OPRM1: variants seen among roughly 807,000 people sequenced by gnomAD.
OPRM1 encodes mu-type opioid receptor.
A neutral mutation model predicts 31.8 loss-of-function variants in OPRM1; 27 were observed. That is an observed-to-expected ratio of 0.85 (90% CI 0.63 to 1.17). OPRM1 has a LOEUF of 1.17. Ranked by LOEUF, OPRM1 falls within the 50% of genes most tolerant of loss-of-function variation. The probability of loss-of-function intolerance (pLI) is 0.00; values close to 1 mark genes in which losing one functional copy is unlikely to be tolerated. For synonymous variants in OPRM1, 196 were observed against 189.9 expected, an observed-to-expected ratio of 1.03 and a Z score of -0.26; for missense variants, 536 against 511.1, an observed-to-expected ratio of 1.05 and a Z score of -0.47.
chr6:154,068,386 C>T (rs1785916376), intron 1 of OPRM1, among the ~76,000 whole-genome samples: 1 of 152,110 alleles, frequency 6.6e-6, no homozygotes, highest in Admixed American at 6.5e-5. Context: ...CTAACCACCC[C>T]AGCCTCCATT....
intron 3 of OPRM1, among the ~76,000 whole-genome samples, chr6:154,099,779 A>T (rs1314401775): frequency 6.7e-6 from 1 of 148,294 alleles, no homozygotes; most frequent in East Asian, 1.9e-4. Context: ...CATAATAAAC[A>T]TGAAGAGTTT....
At chr6:154,189,278 C>T (rs1480045526) in intron 3 of OPRM1, among the ~76,000 whole-genome samples, 1 of 152,118 alleles carries the variant, frequency 6.6e-6, no homozygotes, top group East Asian at 1.9e-4. Context: ...AGCGCTCATC[C>T]ATGCTGAAGA....
Position 154,168,200 on chromosome 6 carries a change from G to A in OPRM1, c.1164+76728G>A, listed in dbSNP as rs940253586. ...ATTCAATACTGTGGTCCCAAGGCAC[G>A]GCCCCACTGGCACCCTCATCTCAGA... On this transcript the variant is annotated intron_variant, in intron 3 of 3. Transcript: ENST00000337049. This position sits in a 1 kb window ranked among gnomAD's most constrained non-coding sequence, Gnocchi z 4.1. 1.6e-5 allele frequency: 15 copies of A among 913,064 alleles called. No homozygotes were observed. Among genetic ancestry groups the A allele is most frequent in the Admixed American group, 9.7e-5 (4 of 41,342 alleles). The allele number at this position is 913,064 out of a possible 1,614,324, so 56.6% of individuals were successfully genotyped here.
Position 154,039,567 on chromosome 6 carries a change from C to A in OPRM1, c.23C>A (p.Thr8Lys), listed in dbSNP as rs1779597786. 6.2e-7 allele frequency: 1 copy of A among 1,612,788 alleles called. No homozygotes were observed. Among genetic ancestry groups the A allele is most frequent in the Non-Finnish European group, 8.5e-7 (1 of 1,179,554 alleles). Reference protein sequence around the residue: MDSSAAPTNASNCTDALA... With the variant: MDSSAAPKNASNCTDALA... ...ACCATGGACAGCAGCGCTGCCCCCA[C>A]GAACGCCAGCAATTGCACTGATGCC... Residue 8 changes from threonine to lysine, a missense_variant, in exon 1 of 4, where the codon ACG becomes AAG. By Grantham distance (78) the Thr-to-Lys change is moderately conservative. Coordinates refer to ENST00000330432, the MANE Select transcript of OPRM1 (RefSeq NM_000914.5).
chr6:154,085,749 G>C (rs1583449850), intron 1 of OPRM1, among the ~76,000 whole-genome samples: 1 of 152,286 alleles, frequency 6.6e-6, no homozygotes, highest in African/African-American at 2.4e-5. Flanking sequence ...AATTCTTCCT[G>C]CAGGTCATTT....
chr6:154,164,642 T>C (rs185369087), intron 3 of OPRM1, among the ~76,000 whole-genome samples: 1 of 152,282 alleles, frequency 6.6e-6, no homozygotes, highest in East Asian at 1.9e-4. Flanking sequence ...TTACTCCAAA[T>C]AGTCAGTGTG....
At chr6:154,042,860 G>C (rs1054296537) in intron 1 of OPRM1, among the ~76,000 whole-genome samples, 1 of 152,058 alleles carries the variant, frequency 6.6e-6, no homozygotes, top group African/African-American at 2.4e-5. Context: ...TAGAAAATGT[G>C]ATGAAAATAC....
At chr6:154,104,941 G>A (rs539944924) in intron 3 of OPRM1, among the ~76,000 whole-genome samples, 122 of 152,188 alleles carry the variant, frequency 8.0e-4, no homozygotes, top group African/African-American at 2.7e-3. Flanking sequence ...AGAAAATGAC[G>A]TTCTTTACTT....
chr6:154,094,601 A>G (rs544782349), intron 3 of OPRM1, among the ~76,000 whole-genome samples: 1 of 152,276 alleles, frequency 6.6e-6, no homozygotes, highest in East Asian at 1.9e-4. Flanking sequence ...AAGAATGACT[A>G]GCTCCACATG....
intron 3 of OPRM1, chr6:154,108,259 C>T (rs1167262640): frequency 5.5e-6 from 2 of 363,062 alleles, no homozygotes; most frequent in Non-Finnish European, 9.8e-6. Flanking sequence ...CTTAAATTTG[C>T]CCCCAGATGG....
At chr6:154,216,540 T>C (rs1453623469) in intron 3 of OPRM1, among the ~76,000 whole-genome samples, 1 of 152,192 alleles carries the variant, frequency 6.6e-6, no homozygotes, top group Admixed American at 6.5e-5. Context: ...TGAATTGGTA[T>C]GCATAGAAAA....
chr6:154,091,512 A>T lies in OPRM1; in HGVS notation c.1164+40A>T, dbSNP rs200471943. 1.2e-5 allele frequency: 18 copies of T among 1,563,514 alleles called. No homozygotes were observed. In the East Asian group the frequency reaches 3.8e-4, roughly 33 times the overall value. On this transcript the variant is annotated intron_variant, in intron 3 of 3. Coordinates refer to ENST00000330432, the MANE Select transcript of OPRM1 (RefSeq NM_000914.5). ...GAATTAGGTATATCTACTGGGGATGACATAAAAATTATAAGGCTTTGTGCT... is the reference window on the plus strand; with the variant it reads ...GAATTAGGTATATCTACTGGGGATGTCATAAAAATTATAAGGCTTTGTGCT...
chr6:154,051,408 T>C (rs1782167646), intron 1 of OPRM1, among the ~76,000 whole-genome samples: 1 of 152,194 alleles, frequency 6.6e-6, no homozygotes, highest in Non-Finnish European at 1.5e-5. Flanking sequence ...ATACTTTTAT[T>C]AGCCAACATA....
At chr6:154,100,050 T>TCATAA (rs1169029492) in intron 3 of OPRM1, among the ~76,000 whole-genome samples, 5 of 136,076 alleles carry the variant, frequency 3.7e-5, no homozygotes, top group Non-Finnish European at 6.1e-5. Context: ...ATGATATATA[T>TCATAA]CATATGATAT....
intron 3 of OPRM1, among the ~76,000 whole-genome samples, chr6:154,211,608 G>A (rs1333721541): frequency 3.3e-5 from 5 of 151,832 alleles, no homozygotes; most frequent in Non-Finnish European, 5.9e-5. Flanking sequence ...AAACCAGTGG[G>A]AAAAAAAGGC....
intron 3 of OPRM1, among the ~76,000 whole-genome samples, chr6:154,202,587 G>A (rs1403147305): frequency 6.6e-6 from 1 of 152,118 alleles, no homozygotes; most frequent in Non-Finnish European, 1.5e-5. Flanking sequence ...TACTCCTGCT[G>A]ACTCTACTTT....
chr6:154,067,743 G>A (rs1470831855), intron 1 of OPRM1, among the ~76,000 whole-genome samples: 3 of 151,894 alleles, frequency 2.0e-5, no homozygotes, highest in Non-Finnish European at 4.4e-5. Context: ...TTTGTTCAGA[G>A]TAAGATATTG....
chr6:154,196,263 C>G (rs779335678), intron 3 of OPRM1, among the ~76,000 whole-genome samples: 1 of 152,150 alleles, frequency 6.6e-6, no homozygotes, highest in Non-Finnish European at 1.5e-5. Flanking sequence ...ATTCCAACAG[C>G]AACTCTCAAA....
chr6:154,113,453 C>T (rs930961825), intron 3 of OPRM1, among the ~76,000 whole-genome samples: 4 of 152,174 alleles, frequency 2.6e-5, no homozygotes, highest in Admixed American at 2.6e-4. Context: ...GGGCCACTCT[C>T]TCCCACATAT....
Sources: allele counts gnomAD v4.1 joint callset (sites outside exome capture counted in the v4.1 genomes callset), GRCh38; gene constraint gnomAD v4.1.1; non-coding constraint Gnocchi (gnomAD v3.1); transcripts MANE v1.5; gene names NCBI Gene and HGNC (gene_info 2026-07-23, HGNC 2026-07-21).